TBC1D20: variants seen among roughly 807,000 people sequenced by gnomAD.
TBC1D20 encodes the protein chromosome 20 open reading frame 140.
TBC1D20 carries 12 observed loss-of-function variants against 41.6 expected under a neutral mutation model. The ratio of observed to expected loss-of-function variants is 0.29; its 90% CI spans 0.18 to 0.47. The LOEUF (loss-of-function observed/expected upper bound fraction) is 0.47. Ranked by LOEUF, TBC1D20 falls within the 20% of genes least tolerant of loss-of-function variation. The pLI is 1.00. For synonymous variants in TBC1D20, 205 were observed against 204.8 expected (o/e 1.00, Z -0.01); for missense variants, 421 against 517.4 (o/e 0.81, Z 1.81).
chr20:441,555 T>A, intron 5 of TBC1D20, 33 bp downstream of exon 5: 1 of 1,569,474 alleles, frequency 6.4e-7, no homozygotes, highest in Non-Finnish European at 8.8e-7. Flanking sequence ...GGCGTGTGTA[T>A]GCATGCACAC....
intron 1 of TBC1D20, among the ~76,000 whole-genome samples, chr20:456,630 T>C (rs1448486601): frequency 6.6e-6 from 1 of 152,224 alleles, no homozygotes; most frequent in Non-Finnish European, 1.5e-5. Flanking sequence ...AGTGTTGCGA[T>C]CTCAGCTCAC....
At chr20:441,471 T>C in intron 5 of TBC1D20, 117 bp downstream of exon 5, 1 of 896,068 alleles carries the variant, frequency 1.1e-6, no homozygotes, top group Non-Finnish European at 1.8e-6. Context: ...TGGGGAGAAC[T>C]TAACAAATCC....
At chr20:449,285 T>TAA (rs1169245536) in intron 1 of TBC1D20, among the ~76,000 whole-genome samples, 832 of 56,920 alleles carry the variant, frequency 0.015, 62 homozygotes, top group African/African-American at 0.071. Context: ...CCCAATACAT[T>TAA]AAAAAAAAAA....
rs1202079638 is a variant in TBC1D20 at position 439,157 on chromosome 20, G to C, written c.907C>G (p.Pro303Ala). ...GCCTCCCGAGCAAGTTCGGATGGGG[G>C]AAACTGAACAAAAAGGTCTCCTGCT... is the stretch of plus-strand genomic sequence containing the variant. ...SRAGDLFVQF[P>A]PSELAREAAA... The change falls in exon 7 of 8, where the codon CCC (proline) becomes GCC (alanine). Residue 303 changes from proline to alanine, a missense_variant. Around this residue, in one of 3 missense-constraint regions of TBC1D20, gnomAD observed 161 missense variants for 182.7 expected, o/e 0.88. Transcript: ENST00000354200. The surrounding 1 kb of genome is among the most constrained non-coding windows in gnomAD (Gnocchi z 4.6). 1 of 1,614,134 alleles carries C rather than the reference G, an allele frequency of 6.2e-7. No homozygotes were observed.
At chr20:446,943 A>AG (rs1491315984) in intron 2 of TBC1D20, among the ~76,000 whole-genome samples, 49 of 75,890 alleles carry the variant, frequency 6.5e-4, no homozygotes, top group South Asian at 9.0e-4. Flanking sequence ...CAAAATACGC[A>AG]TTTTTTTTTT....
intron 1 of TBC1D20, among the ~76,000 whole-genome samples, chr20:456,337 TTTCATCCATTCATCCA>T (rs111897243): frequency 6.6e-5 from 10 of 151,488 alleles, no homozygotes; most frequent in South Asian, 4.2e-4. Context: ...AGGTGTGTCC[TTTCATCCATTCATCCA>T]TTCATCCATT....
Position 445,050 on chromosome 20 carries a change from C to T in TBC1D20, c.337G>A (p.Gly113Ser). The T allele has an allele frequency of 1.9e-6, 3 of 1,599,492 alleles. No homozygotes were observed. The highest frequency in any genetic ancestry group is 2.6e-6 in the Non-Finnish European group (3 of 1,170,918). The change falls in exon 3 of 8, where the codon GGC (glycine) becomes AGC (serine). Residue 113 changes from glycine (G) to serine (S), a missense_variant and splice_region_variant. Physicochemically the swap from Gly to Ser is moderately conservative, Grantham distance 56 (BLOSUM62 0). This residue lies in a region of TBC1D20 where 150 missense variants were observed against 151.3 expected (regional missense o/e 0.99). Transcript: ENST00000354200. Reference protein sequence around the residue: ...VRRSLRRFPPGMPEEQREGLQ... With the variant: ...VRRSLRRFPPSMPEEQREGLQ... ...TGGCAGGACCGGGAGAGCTTCTCACCAGGAGGGAACCGCCGCAATGACCGC... is the reference window on the plus strand; with the variant it reads ...TGGCAGGACCGGGAGAGCTTCTCACTAGGAGGGAACCGCCGCAATGACCGC...
At chr20:442,232 AG>A (rs1427083211) in intron 3 of TBC1D20, among the ~76,000 whole-genome samples, 189 bp from the exon 4 acceptor site, 1 of 152,250 alleles carries the variant, frequency 6.6e-6, no homozygotes, top group African/African-American at 2.4e-5. Flanking sequence ...GCTTTCCAGT[AG>A]GGGAAGCTGC....
In TBC1D20 at chr20:461,667, T is replaced by C. The variant is rs573527183; in HGVS notation, c.70+669A>G. Among the ~76,000 whole-genome samples, 293 of 152,360 alleles carry C rather than the reference T, an allele frequency of 1.9e-3. 5 individuals are homozygous for C. The highest frequency in any genetic ancestry group is 0.015 in the Admixed American group (230 of 15,306). ...GCGAGCCATGGTGCCCGGCCGCTTT[T>C]ACACAATTGAATAACATTAAAATAG... On this transcript the variant is annotated intron_variant, in intron 1 of 7. Transcript: ENST00000354200.
rs1337434387 is a variant in TBC1D20 at position 462,447 on chromosome 20, C to T, written c.-42G>A. ...CCCCCACCCGAGCCCCGGCTGGTGG[C>T]GGAGCCGGGAGAAGACGCGGCTCCG... On this transcript the variant is annotated 5_prime_UTR_variant, in exon 1 of 8. Coordinates refer to ENST00000354200, the MANE Select transcript of TBC1D20 (RefSeq NM_144628.4). 2.6e-6 allele frequency: 3 copies of T among 1,145,412 alleles called. No individual in the cohort carries two copies. The highest frequency in any genetic ancestry group is 1.1e-6 in the Non-Finnish European group (1 of 912,402). 71.0% of individuals were successfully genotyped at this position (1,145,412 alleles called of 1,614,324 possible).
chr20:441,970 G>A lies in TBC1D20; in HGVS notation c.411C>T (p.Asn137=), dbSNP rs2017240457. Residue 137 remains asparagine (N), a synonymous_variant, in exon 4 of 8, where the codon AAC becomes AAT. Coordinates refer to ENST00000354200, the MANE Select transcript of TBC1D20 (RefSeq NM_144628.4). The part of the protein sequence containing the change: ...IDIILLILER[N]PQLHYYQGYH... ...AGCCCTGGTAGTAGTGCAGCTGAGG[G>A]TTGCGCTCCAAGATGAGGAGGATGA... The A allele has an allele frequency of 6.2e-7, 1 of 1,614,102 alleles. No homozygotes were observed. Among genetic ancestry groups the A allele is most frequent in the South Asian group, 1.1e-5 (1 of 91,070 alleles).
At chr20:459,968 C>T (rs534520013) in intron 1 of TBC1D20, among the ~76,000 whole-genome samples, 6 of 152,174 alleles carry the variant, frequency 3.9e-5, no homozygotes, top group Admixed American at 3.3e-4. Flanking sequence ...TGGGAAGGGA[C>T]GATAACAACT....
chr20:451,150 C>A (rs2017434699), intron 1 of TBC1D20, among the ~76,000 whole-genome samples: 2 of 152,208 alleles, frequency 1.3e-5, no homozygotes, highest in Admixed American at 6.5e-5. Flanking sequence ...GCCAAGCTAA[C>A]CTGAGAAGTG....
At chr20:449,353 T>C (rs1165978694) in intron 1 of TBC1D20, among the ~76,000 whole-genome samples, 2 of 147,050 alleles carry the variant, frequency 1.4e-5, no homozygotes, top group Admixed American at 1.4e-4. Flanking sequence ...TCCCAGCACT[T>C]TGGGAGGCCG....
At chr20:457,802 C>G (rs1023430176) in intron 1 of TBC1D20, among the ~76,000 whole-genome samples, 4 of 152,304 alleles carry the variant, frequency 2.6e-5, no homozygotes, top group African/African-American at 9.6e-5. Context: ...GGCCTGAGGG[C>G]CATCCTTTGG....
intron 1 of TBC1D20, among the ~76,000 whole-genome samples, chr20:456,238 C>G (rs531321161): frequency 6.6e-6 from 1 of 152,264 alleles, no homozygotes; most frequent in South Asian, 2.1e-4. Flanking sequence ...GAGTAAGACT[C>G]TGTCTCAAAA....
intron 1 of TBC1D20, among the ~76,000 whole-genome samples, chr20:461,606 C>A (rs893836214): frequency 6.6e-6 from 1 of 152,234 alleles, no homozygotes; most frequent in East Asian, 1.9e-4. Flanking sequence ...AATCGATCCT[C>A]CAACCATGGC....
chr20:461,236 T>C (rs1262151738), intron 1 of TBC1D20, among the ~76,000 whole-genome samples: 1 of 152,246 alleles, frequency 6.6e-6, no homozygotes, highest in Non-Finnish European at 1.5e-5. Context: ...TGTACATTCA[T>C]AATTTTAACT....
At chr20:447,828 G>A in intron 2 of TBC1D20, 61 bp downstream of exon 2, 13 of 1,419,040 alleles carry the variant, frequency 9.2e-6, no homozygotes, top group Non-Finnish European at 1.1e-5. Flanking sequence ...AAAGATCCTG[G>A]AATTCTTTTC....
Sources: gnomAD v4.1 joint callset for allele counts (sites outside exome capture counted in the v4.1 genomes callset) on GRCh38, gnomAD v4.1.1 for gene constraint, gnomAD v4.1.1 regional missense constraint, Gnocchi (gnomAD v3.1) non-coding constraint, MANE v1.5 for transcripts, NCBI Gene and HGNC (gene_info 2026-07-23, HGNC 2026-07-21) for gene names.